GLIS3: variants seen among roughly 807,000 people sequenced by gnomAD.
The protein encoded by GLIS3 is GLIS family zinc finger 3.
A neutral mutation model predicts 78.6 loss-of-function variants in GLIS3; 53 were observed. The observed-to-expected ratio is 0.67, with a 90% confidence interval of 0.54 to 0.85. The LOEUF (loss-of-function observed/expected upper bound fraction) is 0.85. Among genes scored for constraint, GLIS3 ranks in the 40% least tolerant of loss-of-function variants. The probability of loss-of-function intolerance (pLI) is 0.00; values close to 1 mark genes in which losing one functional copy is unlikely to be tolerated. For missense variants in GLIS3, 1,703 were observed against 1,231.1 expected (o/e 1.38, Z -5.74); for synonymous variants, 684 against 509.9 (o/e 1.34, Z -4.60).
At chr9:4,353,045 GTT>G (rs1480664022), upstream of GLIS3, among the ~76,000 whole-genome samples, 3 of 152,134 alleles carry the variant, frequency 2.0e-5, no homozygotes, top group African/African-American at 4.8e-5. Context: ...TCTCTGGAAA[GTT>G]TTTTCAGCCT....
At chr9:4,443,978 TAC>T in the GLIS3 span, among the ~76,000 whole-genome samples, 1 of 152,112 alleles carries the variant, frequency 6.6e-6, no homozygotes, top group Non-Finnish European at 1.5e-5. Context: ...TTCTCTACAA[TAC>T]AGTCAAAGTC....
intron 1 of GLIS3, among the ~76,000 whole-genome samples, chr9:4,297,059 T>C (rs973838285): frequency 6.7e-6 from 1 of 150,212 alleles, no homozygotes; most frequent in Non-Finnish European, 1.5e-5. Context: ...GGAAACAAAC[T>C]AGGAGGAGAT....
chr9:4,042,791 A>C (rs1432316649), intron 4 of GLIS3, among the ~76,000 whole-genome samples: 2 of 152,218 alleles, frequency 1.3e-5, no homozygotes, highest in African/African-American at 4.8e-5. Context: ...AGTGACAATA[A>C]AAGCAGCAAG....
At chr9:4,212,348 T>G (rs1007389994) in intron 2 of GLIS3, among the ~76,000 whole-genome samples, 1 of 152,190 alleles carries the variant, frequency 6.6e-6, no homozygotes, top group Admixed American at 6.5e-5. Context: ...ATCTTAACAA[T>G]GGATCAATCA....
At chr9:4,418,964 G>A in the GLIS3 span, among the ~76,000 whole-genome samples, 3 of 152,284 alleles carry the variant, frequency 2.0e-5, no homozygotes, top group East Asian at 5.8e-4. Context: ...TCAAGATAAG[G>A]CTAGAGATGG....
At chr9:4,199,126 C>T (rs1819131742) in intron 2 of GLIS3, among the ~76,000 whole-genome samples, 1 of 152,148 alleles carries the variant, frequency 6.6e-6, no homozygotes, top group Admixed American at 6.5e-5. Context: ...AGCAGATAGC[C>T]CACAAATCCT....
chr9:4,453,780 T>C, the GLIS3 span, among the ~76,000 whole-genome samples: 2 of 151,942 alleles, frequency 1.3e-5, no homozygotes, highest in Admixed American at 1.3e-4. Flanking sequence ...TTCTCACTCA[T>C]AGTTGGGAAT....
At chr9:4,137,808 T>A (rs1833508489) in intron 2 of GLIS3, among the ~76,000 whole-genome samples, 1 of 152,194 alleles carries the variant, frequency 6.6e-6, no homozygotes, top group South Asian at 2.1e-4. Flanking sequence ...AGACTCTTAG[T>A]ATAGCAAGAG....
intron 7 of GLIS3, among the ~76,000 whole-genome samples, chr9:3,887,851 C>G (rs1352604994): frequency 1.3e-5 from 2 of 152,194 alleles, no homozygotes; most frequent in South Asian, 2.1e-4. Context: ...ATGGCATCAT[C>G]TGGCAGCTCT....
intron 4 of GLIS3, among the ~76,000 whole-genome samples, chr9:4,031,944 G>C (rs540808423): frequency 1.3e-5 from 2 of 152,284 alleles, no homozygotes; most frequent in Admixed American, 6.5e-5. Context: ...GGCTAGCCAG[G>C]AAAGACCTAG....
the GLIS3 span, among the ~76,000 whole-genome samples, chr9:4,397,356 G>C: frequency 6.6e-6 from 1 of 151,702 alleles, no homozygotes; most frequent in Non-Finnish European, 1.5e-5. Flanking sequence ...TGTGGGTTTT[G>C]TTTGTTTGGT....
At chr9:4,113,269 T>A (rs1392577166) in intron 4 of GLIS3, among the ~76,000 whole-genome samples, 1 of 152,186 alleles carries the variant, frequency 6.6e-6, no homozygotes, top group East Asian at 1.9e-4. Context: ...TTACGTTATT[T>A]ATACTTTTTT....
chr9:4,415,004 CT>C, the GLIS3 span, among the ~76,000 whole-genome samples: 3 of 152,010 alleles, frequency 2.0e-5, no homozygotes, highest in Non-Finnish European at 4.4e-5. Flanking sequence ...ATACAGAGTT[CT>C]TTTTTTTCCT....
intron 6 of GLIS3, among the ~76,000 whole-genome samples, chr9:3,916,592 A>C (rs1012185024): frequency 1.3e-5 from 2 of 152,240 alleles, no homozygotes; most frequent in African/African-American, 4.8e-5. Context: ...TTCAGAGAAA[A>C]ATTGCAGCGC....
intron 2 of GLIS3, among the ~76,000 whole-genome samples, chr9:4,129,648 A>G (rs558702579): frequency 6.6e-6 from 1 of 152,254 alleles, no homozygotes; most frequent in East Asian, 1.9e-4. Flanking sequence ...AGAAGCTTCT[A>G]TGCTTCCTGT....
chr9:4,332,661 C>G (rs1330779426), intron 2 of GLIS3, among the ~76,000 whole-genome samples: 1 of 152,206 alleles, frequency 6.6e-6, no homozygotes, highest in South Asian at 2.1e-4. Context: ...CAACCTACCT[C>G]TGGACTATTA....
chr9:4,179,386 C>G (rs1472704237), intron 2 of GLIS3, among the ~76,000 whole-genome samples: 2 of 152,066 alleles, frequency 1.3e-5, no homozygotes, highest in South Asian at 2.1e-4. Context: ...GCGAGTAATC[C>G]CCAGCTTTCA....
chr9:4,075,405 A>C (rs1408202733), intron 4 of GLIS3, among the ~76,000 whole-genome samples: 2 of 144,272 alleles, frequency 1.4e-5, no homozygotes, highest in African/African-American at 5.2e-5. Context: ...GTCTCTACTA[A>C]AAATACAAAA....
chr9:4,043,273 T>G (rs758925760), intron 4 of GLIS3, among the ~76,000 whole-genome samples: 37 of 152,338 alleles, frequency 2.4e-4, no homozygotes, highest in Non-Finnish European at 4.9e-4. Flanking sequence ...ATTAATTTTT[T>G]TTTCAAGTAT....
Sources: gnomAD v4.1 joint callset for allele counts (sites outside exome capture counted in the v4.1 genomes callset) on GRCh38, gnomAD v4.1.1 for gene constraint, MANE v1.5 for transcripts, NCBI Gene and HGNC (gene_info 2026-07-23, HGNC 2026-07-21) for gene names.